SUCO: variants seen among roughly 807,000 people sequenced by gnomAD.
SUCO encodes the protein SUN domain containing ossification factor, also known as SUN domain-containing ossification factor.
In SUCO, 57 loss-of-function variants were observed where a neutral mutation model predicts 148.1. That is an observed-to-expected ratio of 0.38 (90% confidence interval 0.31 to 0.48). The LOEUF (loss-of-function observed/expected upper bound fraction) is 0.48. SUCO is among the 20% of genes least tolerant of loss of function. The probability of loss-of-function intolerance (pLI) is 0.96; values close to 1 mark genes in which losing one functional copy is unlikely to be tolerated. For synonymous variants in SUCO, 470 were observed against 502.7 expected (o/e 0.93, Z 0.87); for missense variants, 1,331 against 1,468.2 (o/e 0.91, Z 1.53).
chr1:172,541,463 C>T (rs564681194), intron 1 of SUCO, among the ~76,000 whole-genome samples: 6 of 152,182 alleles, frequency 3.9e-5, no homozygotes, highest in Non-Finnish European at 5.9e-5. Flanking sequence ...AAGGGATGAC[C>T]GGGCTAAAAA....
intron 1 of SUCO, among the ~76,000 whole-genome samples, chr1:172,543,911 T>C (rs1652681427): frequency 6.6e-6 from 1 of 152,088 alleles, no homozygotes; most frequent in African/African-American, 2.4e-5. Context: ...TAGAAGAATA[T>C]CTGTCTTTTA....
At position 172,589,418 on chromosome 1, in the gene SUCO, A is replaced by C. The variant is rs1179941361; in HGVS notation, c.2317A>C (p.Ile773Leu). 6.2e-7 allele frequency: 1 copy of C among 1,613,548 alleles called. No homozygotes were observed. The highest frequency in any genetic ancestry group is 2.2e-5 in the East Asian group (1 of 44,876). Residue 773 changes from isoleucine to leucine, a missense_variant, in exon 18 of 24, where the codon ATC (isoleucine) becomes CTC (leucine). Ile to Leu is a conservative substitution (Grantham distance 5). Around this residue, in one of 3 missense-constraint regions of SUCO, gnomAD observed 992 missense variants for 1,093.5 expected, o/e 0.91. Coordinates refer to ENST00000263688, the MANE Select transcript of SUCO (RefSeq NM_014283.5). ...PVIPQESSVEIDNETEQKSES... is the reference protein window; with the variant it reads ...PVIPQESSVELDNETEQKSES... The stretch of plus-strand genomic sequence containing the variant: ...GATTCCCCAAGAGAGTTCTGTTGAG[A>C]TCGATAATGAAACAGAACAAAAGTC...
intron 8 of SUCO, 100 bp from the exon 9 acceptor site, chr1:172,570,563 G>T: frequency 1.3e-6 from 1 of 787,890 alleles, no homozygotes. Context: ...GTGTACTTAA[G>T]ATCTAAAAAT....
chr1:172,543,058 A>G (rs907581079), intron 1 of SUCO: 3 of 969,310 alleles, frequency 3.1e-6, no homozygotes, highest in Admixed American at 1.2e-4. Context: ...AAAAGTTAAC[A>G]TGTAGAGTAG....
At chr1:172,590,933 G>A in intron 18 of SUCO, 51 bp from the exon 19 acceptor site, 2 of 1,291,758 alleles carry the variant, frequency 1.5e-6, no homozygotes, top group Non-Finnish European at 2.2e-6. Flanking sequence ...CCATTACTAA[G>A]TGGAATAAGT....
chr1:172,532,883 G>A, upstream of SUCO: 1 of 1,488,490 alleles, frequency 6.7e-7, no homozygotes, highest in African/African-American at 1.4e-5. Context: ...GCGGGACCTG[G>A]GGCGGGCGGA....
chr1:172,573,696 T>C (rs1041977781), intron 9 of SUCO, among the ~76,000 whole-genome samples, 195 bp from the exon 10 acceptor site: 17 of 152,054 alleles, frequency 1.1e-4, no homozygotes, highest in Non-Finnish European at 2.1e-4. Context: ...ACAGGTCTTT[T>C]CCCCCCACTA....
At position 172,570,030 on chromosome 1, in the gene SUCO, T is replaced by C. The variant is rs2149245013; in HGVS notation, c.857-17T>C. On this transcript the variant is annotated splice_polypyrimidine_tract_variant and intron_variant, in intron 7 of 23. Coordinates refer to ENST00000263688, the MANE Select transcript of SUCO (RefSeq NM_014283.5). The stretch of plus-strand genomic sequence containing the variant: ...CAAATATATATATAAATATTTATAA[T>C]AACGGTTTGTCTGCAGGTCAGTCGA... The C allele has an allele frequency of 7.9e-6, 11 of 1,392,082 alleles. No homozygotes were observed. The highest frequency in any genetic ancestry group is 8.4e-6 in the Non-Finnish European group (9 of 1,067,188). 86.2% of individuals were successfully genotyped at this position (1,392,082 alleles called of 1,614,324 possible). A position where few individuals can be genotyped will look rare whatever the true frequency, so the allele number is the denominator to read the frequency against.
intron 12 of SUCO, 64 bp downstream of exon 12, chr1:172,577,623 A>C (rs1256215908): frequency 6.3e-7 from 1 of 1,590,838 alleles, no homozygotes; most frequent in African/African-American, 1.4e-5. Context: ...CATTACAAAA[A>C]CTTTACAAGT....
chr1:172,563,267 C>T (rs1006906888), intron 6 of SUCO, among the ~76,000 whole-genome samples: 1 of 152,138 alleles, frequency 6.6e-6, no homozygotes, highest in African/African-American at 2.4e-5. Context: ...AGAGGTTGGA[C>T]AGTTTGGAGG....
At chr1:172,563,874 G>T (rs948976132) in intron 6 of SUCO, among the ~76,000 whole-genome samples, 1 of 152,188 alleles carries the variant, frequency 6.6e-6, no homozygotes, top group South Asian at 2.1e-4. Flanking sequence ...AAATGGTTGC[G>T]TGGGCCAGTC....
chr1:172,549,990 A>G (rs534406701), intron 1 of SUCO, among the ~76,000 whole-genome samples: 299 of 151,890 alleles, frequency 2.0e-3, no homozygotes, highest in Non-Finnish European at 3.5e-3. Context: ...TAGGCATTCC[A>G]TTTCTTCTGG....
intron 14 of SUCO, among the ~76,000 whole-genome samples, 200 bp from the exon 15 acceptor site, chr1:172,579,002 T>C (rs892501057): frequency 5.9e-5 from 9 of 152,050 alleles, no homozygotes; most frequent in African/African-American, 2.2e-4. Context: ...TACAGTTATT[T>C]TCCTTGGTTT....
At chr1:172,532,563 C>CA (rs1651661834), upstream of SUCO, 1 of 1,613,790 alleles carries the variant, frequency 6.2e-7, no homozygotes, top group Non-Finnish European at 8.5e-7. Context: ...GGGCTTGGTG[C>CA]AGCTTCCCTC....
At chr1:172,599,297 C>T in intron 19 of SUCO, 1 of 207,242 alleles carries the variant, frequency 4.8e-6, no homozygotes, top group Non-Finnish European at 8.4e-6. Context: ...CCACTGCACT[C>T]CAGCCTGGGC....
In SUCO at chr1:172,585,090, C is replaced by T. The variant is rs1467788235; in HGVS notation, c.1567+4C>T. ...AAAACTGAAGACCTGACAGAAGGTA[C>T]CTAATCATTTTATGGGTCTTTTAAA... On this transcript the variant is annotated splice_donor_region_variant and intron_variant, in intron 16 of 23. Coordinates refer to ENST00000263688, the MANE Select transcript of SUCO (RefSeq NM_014283.5). 30 of 1,596,208 alleles carry T rather than the reference C, an allele frequency of 1.9e-5. No individual in the cohort carries two copies. The highest frequency in any genetic ancestry group is 2.5e-5 in the Non-Finnish European group (29 of 1,169,080).
At chr1:172,571,405 G>A (rs1481994091) in intron 9 of SUCO, among the ~76,000 whole-genome samples, 2 of 152,074 alleles carry the variant, frequency 1.3e-5, no homozygotes, top group African/African-American at 2.4e-5. Context: ...ATCTCGGCTC[G>A]CTACAACCTC....
At chr1:172,599,368 CT>C (rs1657351200) in intron 19 of SUCO, 1 of 622,730 alleles carries the variant, frequency 1.6e-6, no homozygotes, top group Admixed American at 6.3e-5. Context: ...TAAAGTCTCC[CT>C]AATACAGGGT....
intron 1 of SUCO, among the ~76,000 whole-genome samples, chr1:172,544,471 G>C (rs987916191): frequency 2.6e-4 from 39 of 152,328 alleles, no homozygotes; most frequent in African/African-American, 8.9e-4. Flanking sequence ...TGGGAATTTA[G>C]AGCGGGCCAC....
Sources: allele counts gnomAD v4.1 joint callset (sites outside exome capture counted in the v4.1 genomes callset), GRCh38; gene constraint gnomAD v4.1.1; regional missense constraint gnomAD v4.1.1; transcripts MANE v1.5; gene names NCBI Gene and HGNC (gene_info 2026-07-23, HGNC 2026-07-21).